The following PRKCA variants were observed in gnomAD, a reference collection of about 807,000 sequenced individuals.
PRKCA encodes the protein protein kinase C alpha type.
PRKCA carries 27 observed loss-of-function variants against 87.0 expected under a neutral mutation model. The observed-to-expected ratio is 0.31, with a 90% CI of 0.23 to 0.43. The LOEUF is 0.43. PRKCA is among the 20% of genes least tolerant of loss of function. The pLI is 1.00. For missense variants in PRKCA, 518 were observed against 852.3 expected, an observed-to-expected ratio of 0.61 and a Z score of 4.88; for synonymous variants, 329 against 311.1, an observed-to-expected ratio of 1.06 and a Z score of -0.61.
intron 5 of PRKCA, among the ~76,000 whole-genome samples, chr17:66,679,339 C>G (rs766953103): frequency 6.6e-6 from 1 of 152,126 alleles, no homozygotes; most frequent in South Asian, 2.1e-4. Flanking sequence ...CGCCACCACA[C>G]CCGGCTAATT....
intron 5 of PRKCA, among the ~76,000 whole-genome samples, chr17:66,653,723 C>T (rs891302585): frequency 6.6e-6 from 1 of 151,088 alleles, no homozygotes; most frequent in Non-Finnish European, 1.5e-5. Flanking sequence ...ATACCACTCT[C>T]CTCGATCTGG....
At chr17:66,474,756 T>C (rs2046287515) in intron 2 of PRKCA, among the ~76,000 whole-genome samples, 2 of 152,218 alleles carry the variant, frequency 1.3e-5, no homozygotes, top group Admixed American at 6.5e-5. Context: ...TCAATGTGGT[T>C]GAATTCGGTA....
chr17:66,434,712 C>T (rs953692573), intron 2 of PRKCA, among the ~76,000 whole-genome samples: 6 of 152,138 alleles, frequency 3.9e-5, no homozygotes, highest in African/African-American at 1.2e-4. Context: ...ACTTTGGTTC[C>T]TCGGCTTGTT....
intron 3 of PRKCA, among the ~76,000 whole-genome samples, chr17:66,498,129 CCCTGCTCCCCGCCT>C: frequency 6.6e-6 from 1 of 152,216 alleles, no homozygotes; most frequent in Middle Eastern, 3.4e-3. Context: ...CTGCCCTCCC[CCCTGCTCCCCGCCT>C]CCTGCCCCCT....
At chr17:66,581,128 C>T (rs980173680) in intron 3 of PRKCA, among the ~76,000 whole-genome samples, 16 of 152,188 alleles carry the variant, frequency 1.1e-4, no homozygotes, top group Middle Eastern at 3.4e-3. Context: ...TGCATTAGTG[C>T]CTTGTTTATT....
At chr17:66,392,557 G>A (rs749168351) in intron 2 of PRKCA, among the ~76,000 whole-genome samples, 2 of 152,094 alleles carry the variant, frequency 1.3e-5, no homozygotes, top group African/African-American at 4.8e-5. Context: ...TTCTCGGGCT[G>A]TCATTGAAAA....
intron 2 of PRKCA, among the ~76,000 whole-genome samples, chr17:66,362,954 G>A (rs1239480341): frequency 3.3e-5 from 5 of 152,110 alleles, no homozygotes; most frequent in East Asian, 1.9e-4. Context: ...TCAGCCTCCC[G>A]AAGTGTTGAG....
chr17:66,339,428 CAAAT>C (rs1443196976), intron 2 of PRKCA, among the ~76,000 whole-genome samples: 1 of 152,110 alleles, frequency 6.6e-6, no homozygotes, highest in East Asian at 1.9e-4. Context: ...CCTCTCAACA[CAAAT>C]AATGTTTAAT....
chr17:66,747,239 T>TA (rs983482378), intron 13 of PRKCA, among the ~76,000 whole-genome samples: 1 of 152,122 alleles, frequency 6.6e-6, no homozygotes, highest in Non-Finnish European at 1.5e-5. Context: ...CTGCTAATTT[T>TA]AAAAAAATTT....
chr17:66,579,602 G>T (rs954373106), intron 3 of PRKCA, among the ~76,000 whole-genome samples: 15 of 152,186 alleles, frequency 9.9e-5, no homozygotes, highest in African/African-American at 3.6e-4. Flanking sequence ...CACGTGGCTG[G>T]TAGGGTGGTG....
intron 2 of PRKCA, among the ~76,000 whole-genome samples, chr17:66,310,999 G>C (rs958942625): frequency 1.3e-5 from 2 of 152,116 alleles, no homozygotes; most frequent in African/African-American, 4.8e-5. Flanking sequence ...ATTGACCGCT[G>C]CTTGCACTGT....
chr17:66,718,214 G>A (rs766934308), intron 8 of PRKCA, among the ~76,000 whole-genome samples: 3 of 152,220 alleles, frequency 2.0e-5, no homozygotes, highest in Admixed American at 6.5e-5. Flanking sequence ...GGCAGGTGAG[G>A]TGTCTGGTGA....
intron 3 of PRKCA, among the ~76,000 whole-genome samples, chr17:66,613,583 C>T (rs1443361626): frequency 6.6e-6 from 1 of 152,090 alleles, no homozygotes; most frequent in African/African-American, 2.4e-5. Flanking sequence ...AAGAATCCTT[C>T]CTTGCCTCTT....
At chr17:66,552,118 C>A (rs1180576270) in intron 3 of PRKCA, among the ~76,000 whole-genome samples, 6 of 151,992 alleles carry the variant, frequency 3.9e-5, no homozygotes, top group Admixed American at 3.9e-4. Context: ...GGCAACATGA[C>A]AAAATCCCAT....
chr17:66,332,186 T>TTTTC (rs1906366710), intron 2 of PRKCA, among the ~76,000 whole-genome samples: 1 of 151,512 alleles, frequency 6.6e-6, no homozygotes, highest in Non-Finnish European at 1.5e-5. Flanking sequence ...ATAAAATATT[T>TTTTC]TTTCTTTCTT....
chr17:66,590,931 G>A (rs1038850319), intron 3 of PRKCA, among the ~76,000 whole-genome samples: 10 of 152,000 alleles, frequency 6.6e-5, no homozygotes, highest in Non-Finnish European at 1.3e-4. Flanking sequence ...ACCCACCGCC[G>A]CAGCTTAAAA....
intron 2 of PRKCA, among the ~76,000 whole-genome samples, chr17:66,392,460 A>G (rs1025658803): frequency 1.2e-4 from 18 of 152,146 alleles, no homozygotes; most frequent in Non-Finnish European, 2.4e-4. Flanking sequence ...CTCCTCAAAA[A>G]ACTCATTCCC....
At chr17:66,489,771 C>G (rs937607579) in intron 2 of PRKCA, among the ~76,000 whole-genome samples, 5 of 150,626 alleles carry the variant, frequency 3.3e-5, no homozygotes, top group African/African-American at 9.8e-5. Flanking sequence ...CCCTTTAATT[C>G]CTTTCTTTCC....
At chr17:66,474,370 T>C (rs1462972229) in intron 2 of PRKCA, among the ~76,000 whole-genome samples, 1 of 152,220 alleles carries the variant, frequency 6.6e-6, no homozygotes, top group Non-Finnish European at 1.5e-5. Flanking sequence ...TCCTGCCTGA[T>C]GCCCAGACAA....
Sources: gnomAD v4.1 joint callset for allele counts (sites outside exome capture counted in the v4.1 genomes callset) on GRCh38, gnomAD v4.1.1 for gene constraint, MANE v1.5 for transcripts, NCBI Gene and HGNC (gene_info 2026-07-23, HGNC 2026-07-21) for gene names.